PDZD7: variants seen among roughly 807,000 people sequenced by gnomAD.
The protein encoded by PDZD7 is PDZ domain containing 7, also known as PDZ domain-containing protein 7.
PDZD7 carries 72 observed loss-of-function variants against 84.7 expected under a neutral mutation model. That is an observed-to-expected ratio of 0.85 (90% confidence interval 0.70 to 1.03). PDZD7 has a LOEUF of 1.03. PDZD7 is among the 50% of genes least tolerant of loss of function. The pLI is 0.00. For synonymous variants in PDZD7, 594 were observed against 580.7 expected, an observed-to-expected ratio of 1.02 and a Z score of -0.33; for missense variants, 1,490 against 1,412.9, an observed-to-expected ratio of 1.05 and a Z score of -0.87.
intron 7 of PDZD7, among the ~76,000 whole-genome samples, chr10:101,019,625 CTTCTTCTTT>C (rs1399254787): frequency 7.1e-6 from 1 of 140,610 alleles, no homozygotes; most frequent in Non-Finnish European, 1.5e-5. Context: ...CTTCTTTCTT[CTTCTTCTTT>C]TTTTTTTCTT....
chr10:101,015,712 C>T lies in PDZD7; in HGVS notation c.1673G>A (p.Arg558Gln), dbSNP rs901875344. The T allele has an allele frequency of 7.2e-5, 112 of 1,550,208 alleles. No individual in the cohort carries two copies. The highest frequency in any genetic ancestry group is 1.7e-4 in the Middle Eastern group (1 of 5,844). Residue 558 changes from arginine (R) to glutamine (Q), a missense_variant, in exon 11 of 17, where the codon CGG (arginine) becomes CAG (glutamine). Physicochemically the swap from Arg to Gln is conservative, Grantham distance 43. Coordinates refer to ENST00000619208, the MANE Select transcript of PDZD7 (RefSeq NM_001195263.2). ...DEQVQAWESR[R>Q]PLIQDLAQRL... ...CTGGGCCAGGTCCTGAATGAGGGGCCGCCGGCTCTCCCAGGCCTGAACCTG... is the reference window on the plus strand; with the variant it reads ...CTGGGCCAGGTCCTGAATGAGGGGCTGCCGGCTCTCCCAGGCCTGAACCTG...
intron 14 of PDZD7, chr10:101,011,459 A>G: frequency 1.1e-5 from 14 of 1,264,292 alleles, no homozygotes; most frequent in Non-Finnish European, 1.5e-5. Context: ...ATAGAATGAG[A>G]CTAGATTTTA....
Position 101,025,837 on chromosome 10 carries a change from A to C in PDZD7, c.227-1769T>G, listed in dbSNP as rs183752956. Among the ~76,000 whole-genome samples, 3 of 152,134 alleles carry C rather than the reference A, an allele frequency of 2.0e-5. No individual in the cohort carries two copies. The South Asian group carries it at 6.2e-4, about 32-fold the overall frequency. On this transcript the variant is annotated intron_variant, in intron 2 of 16. Coordinates refer to ENST00000619208, the MANE Select transcript of PDZD7 (RefSeq NM_001195263.2). ...GCTGAGATTACAGGCGTGAGCCACC[A>C]CACCCGGCCAATGGAAGAGATTTTC... is the stretch of plus-strand genomic sequence containing the variant.
rs1025096038 is a variant in PDZD7, at chr10:101,010,498, T to A, written c.2391A>T (p.Pro797=). 3.9e-6 allele frequency: 6 copies of A among 1,533,696 alleles called. No homozygotes were observed. In the South Asian group the frequency reaches 7.1e-5, roughly 18 times the overall value. The change falls in exon 15 of 17, where the codon CCA becomes CCT. Residue 797 remains proline (P), a synonymous_variant. Transcript: ENST00000619208. Reference sequence around the variant, plus strand: ...TGGGGGCAGGGGTAGGCACCGGGGATGGGGAGCGTCTACCTGGAGACTTGC... The same window carrying A: ...TGGGGGCAGGGGTAGGCACCGGGGAAGGGGAGCGTCTACCTGGAGACTTGC... ...GQGKSPGRRS[P]SPVPTPAPSM... is the part of the protein sequence containing the mutation.
rs1013781948 is a variant in PDZD7, at chr10:101,008,443, G to T, written c.*24C>A. The T allele has an allele frequency of 6.1e-6, 9 of 1,482,660 alleles. No individual in the cohort carries two copies. The highest frequency in any genetic ancestry group is 2.7e-5 in the South Asian group (2 of 74,968). The allele number at this position is 1,482,660 out of a possible 1,614,324, so 91.8% of individuals were successfully genotyped here. A position where few individuals can be genotyped will look rare whatever the true frequency, so the allele number is the denominator to read the frequency against. On this transcript the variant is annotated 3_prime_UTR_variant, in exon 17 of 17. Coordinates refer to ENST00000619208, the MANE Select transcript of PDZD7 (RefSeq NM_001195263.2). Reference sequence around the variant, plus strand: ...GATAACGGGATGCTGGAGTCAGTGGGTGAATCTGAGGTTAGGGGGAGGGTC... The same window carrying T: ...GATAACGGGATGCTGGAGTCAGTGGTTGAATCTGAGGTTAGGGGGAGGGTC...
intron 2 of PDZD7, among the ~76,000 whole-genome samples, chr10:101,026,941 C>T (rs1169520961): frequency 1.3e-5 from 2 of 152,002 alleles, no homozygotes; most frequent in Non-Finnish European, 2.9e-5. Context: ...TGGGGCCTCC[C>T]TAGGGCCCTA....
rs1852354495 is a variant in PDZD7 at position 101,010,464 on chromosome 10, T to G, written c.2425A>C (p.Asn809His). ...TTCCGAGGCTTGTGGTAGCGCCCAT[T>G]GGTCATGCTGGGGGCAGGGGTAGGC... ...PVPTPAPSMT[N>H]GRYHKPRKAR... The change falls in exon 15 of 17, where the codon AAT (asparagine) becomes CAT (histidine). Residue 809 changes from asparagine to histidine, a missense_variant. Asn to His is a moderately conservative substitution (Grantham distance 68). Transcript: ENST00000619208. The G allele has an allele frequency of 1.3e-6, 2 of 1,535,534 alleles. No individual in the cohort carries two copies. Among genetic ancestry groups the G allele is most frequent in the Admixed American group, 2.0e-5 (1 of 50,960 alleles).
chr10:101,017,499 T>C, intron 9 of PDZD7: 1 of 628,090 alleles, frequency 1.6e-6, no homozygotes, highest in South Asian at 1.8e-5. Context: ...GTAGTTGGGA[T>C]TGGCCAGGTG....
chr10:101,023,548 T>C lies in PDZD7; in HGVS notation c.430A>G (p.Thr144Ala). Residue 144 changes from threonine (T) to alanine (A), a missense_variant, in exon 4 of 17, where the codon ACC (threonine) becomes GCC (alanine). Physicochemically the swap from Thr to Ala is moderately conservative, Grantham distance 58. Coordinates refer to ENST00000619208, the MANE Select transcript of PDZD7 (RefSeq NM_001195263.2). ...TEVNGLSLES[T>A]TMGSAVKVLT... ...ACCTTTACGGCGCTACCCATGGTGGTGCTCTCCAGGCTCAGCCCATTCACC... is the reference window on the plus strand; with the variant it reads ...ACCTTTACGGCGCTACCCATGGTGGCGCTCTCCAGGCTCAGCCCATTCACC... 1 of 1,614,048 alleles carries C rather than the reference T, an allele frequency of 6.2e-7. No homozygotes were observed. The highest frequency in any genetic ancestry group is 1.7e-5 in the Admixed American group (1 of 60,024).
At chr10:101,014,432 T>A (rs1418428457) in intron 11 of PDZD7, among the ~76,000 whole-genome samples, 1 of 151,810 alleles carries the variant, frequency 6.6e-6, no homozygotes, top group Admixed American at 6.6e-5. Flanking sequence ...AAAAGGAGCC[T>A]CCAAAGAGAC....
rs1433148797 is a variant in PDZD7 at position 101,019,089 on chromosome 10, G to A, written c.1057C>T (p.Gln353Ter). 6.4e-7 allele frequency: 1 copy of A among 1,563,788 alleles called. No individual in the cohort carries two copies. Among genetic ancestry groups the A allele is most frequent in the African/African-American group, 1.3e-5 (1 of 74,378 alleles). Residue 353 changes from glutamine (Q) to a stop codon, truncating the protein, a stop_gained, in exon 8 of 17, where the codon CAG (glutamine) becomes TAG (stop). Transcript: ENST00000619208. LOFTEE classifies it high-confidence loss of function. ...PSDRMDICLG[Q>*]EEPGSRGPGW... ...GGGCCGCGGCTGCCGGGCTCCTCCT[G>A]CCCGAGGCAGATGTCCATGCGGTCC...
At chr10:101,009,430 T>C (rs1432110047) in intron 15 of PDZD7, 80 bp from the exon 16 acceptor site, 7 of 1,161,134 alleles carry the variant, frequency 6.0e-6, no homozygotes, top group Non-Finnish European at 7.5e-6. Context: ...TAGAATCCCA[T>C]CCCCAAATCC....
intron 9 of PDZD7, chr10:101,017,571 C>T: frequency 1.4e-6 from 1 of 700,762 alleles, no homozygotes; most frequent in African/African-American, 1.8e-5. Flanking sequence ...AGCTTCAGTC[C>T]AGGAATTTGA....
chr10:101,011,994 G>A lies in PDZD7; in HGVS notation c.1864C>T (p.Leu622=). 5 of 1,550,472 alleles carry A rather than the reference G, an allele frequency of 3.2e-6. No individual in the cohort carries two copies. The highest frequency in any genetic ancestry group is 3.5e-6 in the Non-Finnish European group (4 of 1,146,952). Residue 622 remains leucine, a synonymous_variant, in exon 13 of 17, where the codon CTG becomes TTG. Transcript: ENST00000619208. ...DIRSVVAPTD[L]GRFDSMVMLV... is the part of the protein sequence containing the mutation. ...ATCACCATGCTGTCGAAGCGGCCCA[G>A]GTCTGTGGGGGCCACCACACTCCTG...
In PDZD7 at chr10:101,022,311, C is replaced by A; in HGVS notation, c.617G>T (p.Gly206Val). Residue 206 changes from glycine (G) to valine (V), a missense_variant, in exon 5 of 17, where the codon GGT (glycine) becomes GTT (valine). Coordinates refer to ENST00000619208, the MANE Select transcript of PDZD7 (RefSeq NM_001195263.2). ...GTATAGGTGGACGATGCGCCGGACACCATCTTCTGAGCTGGTGTCGGAGGG... is the reference window on the plus strand; with the variant it reads ...GTATAGGTGGACGATGCGCCGGACAACATCTTCTGAGCTGGTGTCGGAGGG... ...STPSDTSSED[G>V]VRRIVHLYTT... is the part of the protein sequence containing the mutation. 2 of 1,614,226 alleles carry A rather than the reference C, an allele frequency of 1.2e-6. No homozygotes were observed.
rs887446494 is a variant in PDZD7, at chr10:101,018,312, A to T, written c.1325-16T>A. ...TGCTTCTCCTCTGCAGACACGAGGG[A>T]GCAACGGGGGAGCTGGAGGGGTGGG... is the stretch of plus-strand genomic sequence containing the variant. On this transcript the variant is annotated splice_polypyrimidine_tract_variant and intron_variant, in intron 8 of 16. Transcript: ENST00000619208. 9.3e-6 allele frequency: 15 copies of T among 1,612,388 alleles called. No homozygotes were observed. The Admixed American group carries it at 1.5e-4, about 16-fold the overall frequency.
Position 101,012,188 on chromosome 10 carries a change from A to G in PDZD7, c.1820T>C (p.Leu607Pro). Residue 607 changes from leucine to proline, a missense_variant, in exon 12 of 17, where the codon CTG (leucine) becomes CCG (proline). Leu to Pro is a moderately conservative substitution (Grantham distance 98). Coordinates refer to ENST00000619208, the MANE Select transcript of PDZD7 (RefSeq NM_001195263.2). Reference sequence around the variant, plus strand: ...CCACCTGATGTCCTGCAGCAGTAGCAGCTTCTCCGGCCTGTCGAGGATGGC... The same window carrying G: ...CCACCTGATGTCCTGCAGCAGTAGCGGCTTCTCCGGCCTGTCGAGGATGGC... ...LLAILDRPEK[L>P]LLLQDIRSVV... 1 of 1,550,494 alleles carries G rather than the reference A, an allele frequency of 6.4e-7. No individual in the cohort carries two copies. Among genetic ancestry groups the G allele is most frequent in the East Asian group, 2.4e-5 (1 of 40,920 alleles).
intron 11 of PDZD7, among the ~76,000 whole-genome samples, chr10:101,012,847 G>A (rs1852444311): frequency 6.6e-6 from 1 of 152,250 alleles, no homozygotes; most frequent in Non-Finnish European, 1.5e-5. Flanking sequence ...TAGAATAGGA[G>A]CCTTGGGGAA....
intron 6 of PDZD7, 51 bp from the exon 7 acceptor site, chr10:101,020,729 A>G: frequency 1.4e-6 from 2 of 1,433,650 alleles, no homozygotes; most frequent in Middle Eastern, 1.8e-4. Flanking sequence ...GTGAGGAGGG[A>G]GAGTGAGAAT....
Sources: gnomAD v4.1 joint callset for allele counts (sites outside exome capture counted in the v4.1 genomes callset) on GRCh38, gnomAD v4.1.1 for gene constraint, MANE v1.5 for transcripts, NCBI Gene and HGNC (gene_info 2026-07-23, HGNC 2026-07-21) for gene names.